Variants in RGS9 observed in about 807,000 individuals in gnomAD.
The protein encoded by RGS9 is regulator of G-protein signalling 9.
Under a neutral mutation model 102.0 loss-of-function variants are expected in RGS9, and 78 were observed. That is an observed-to-expected ratio of 0.76 (90% confidence interval 0.64 to 0.92). The LOEUF (loss-of-function observed/expected upper bound fraction) is 0.92. RGS9 is among the 40% of genes least tolerant of loss of function. The pLI, the probability that RGS9 is intolerant of heterozygous loss-of-function variation, is 0.00. For synonymous variants in RGS9, 353 were observed against 318.6 expected (o/e 1.11, Z -1.15); for missense variants, 833 against 866.1 (o/e 0.96, Z 0.48).
At chr17:65,180,409 C>T (rs1476965386) in intron 9 of RGS9, among the ~76,000 whole-genome samples, 2 of 152,054 alleles carry the variant, frequency 1.3e-5, no homozygotes, top group African/African-American at 2.4e-5. Flanking sequence ...AGTGCAGTGG[C>T]GTGATCTCGG....
At chr17:65,177,569 C>T in intron 8 of RGS9, among the ~76,000 whole-genome samples, 163 bp from the exon 9 acceptor site, 1 of 152,218 alleles carries the variant, frequency 6.6e-6, no homozygotes, top group Non-Finnish European at 1.5e-5. Context: ...TGAAGCTCAA[C>T]AGCTCACCTG....
chr17:65,157,913 GTGTGTA>G (rs1014165717), intron 2 of RGS9, among the ~76,000 whole-genome samples: 47 of 152,172 alleles, frequency 3.1e-4, no homozygotes, highest in African/African-American at 1.1e-3. Flanking sequence ...TGTTTTGTGT[GTGTGTA>G]TGTGTGTGTG....
At chr17:65,181,049 T>C (rs1911866833) in intron 9 of RGS9, among the ~76,000 whole-genome samples, 2 of 152,244 alleles carry the variant, frequency 1.3e-5, no homozygotes, top group African/African-American at 4.8e-5. Flanking sequence ...AGTCTACCAA[T>C]GATGGGCATT....
At chr17:65,172,596 G>A (rs1290933207) in intron 8 of RGS9, among the ~76,000 whole-genome samples, 1 of 152,162 alleles carries the variant, frequency 6.6e-6, no homozygotes, top group Non-Finnish European at 1.5e-5. Flanking sequence ...GTGAATATCT[G>A]CTCTATGCCG....
At chr17:65,189,992 T>C (rs1264763067) in intron 10 of RGS9, among the ~76,000 whole-genome samples, 183 bp from the exon 11 acceptor site, 1 of 152,076 alleles carries the variant, frequency 6.6e-6, no homozygotes, top group Non-Finnish European at 1.5e-5. Context: ...AGGAGGCCAC[T>C]GATTTGAAGT....
intron 17 of RGS9, among the ~76,000 whole-genome samples, chr17:65,216,514 G>C (rs565661129): frequency 4.1e-4 from 63 of 152,320 alleles, no homozygotes; most frequent in African/African-American, 1.5e-3. Flanking sequence ...GCAGGCGCCT[G>C]TAGTCCCAGC....
intron 12 of RGS9, among the ~76,000 whole-genome samples, chr17:65,195,295 T>A (rs1024157128): frequency 6.6e-6 from 1 of 152,146 alleles, no homozygotes; most frequent in African/African-American, 2.4e-5. Context: ...GAGCATGGTA[T>A]TGAAGACAGG....
At chr17:65,207,788 C>A (rs575894730) in intron 15 of RGS9, 134 bp from the exon 16 acceptor site, 1 of 642,786 alleles carries the variant, frequency 1.6e-6, no homozygotes. Flanking sequence ...CCCCCAACAC[C>A]TTTCACCCAA....
At chr17:65,158,502 G>A in intron 3 of RGS9, 157 bp downstream of exon 3, 1 of 764,916 alleles carries the variant, frequency 1.3e-6, no homozygotes, top group Non-Finnish European at 2.3e-6. Context: ...CAAAAGCAAA[G>A]GCAGGATAAT....
chr17:65,147,567 TTCTC>T (rs1441070856), intron 1 of RGS9, among the ~76,000 whole-genome samples: 3 of 149,520 alleles, frequency 2.0e-5, no homozygotes, highest in Non-Finnish European at 1.5e-5. Context: ...ACCTGGATCA[TTCTC>T]TCTCTCTTTT....
chr17:65,143,412 C>A (rs1439399905), intron 1 of RGS9, among the ~76,000 whole-genome samples: 1 of 152,046 alleles, frequency 6.6e-6, no homozygotes, highest in Non-Finnish European at 1.5e-5. Flanking sequence ...ATTGAGTGGG[C>A]AGAGAAGAGA....
chr17:65,137,986 T>A (rs770032073), intron 1 of RGS9, among the ~76,000 whole-genome samples: 6 of 152,208 alleles, frequency 3.9e-5, no homozygotes, highest in Admixed American at 1.3e-4. Flanking sequence ...TTAAAGTGTG[T>A]GTGTGTGTAC....
chr17:65,204,179 G>A lies in RGS9; in HGVS notation c.1081G>A (p.Gly361Arg). Residue 361 changes from glycine (G) to arginine (R), a missense_variant, in exon 15 of 19, where the codon GGG becomes AGG. Physicochemically the swap from Gly to Arg is moderately radical, Grantham distance 125. Transcript: ENST00000262406. ...EEIYKLFLAP[G>R]ARRWINIDGK... ...CCACCCCAGGCTGTTCCTGGCCCCG[G>A]GGGCGAGGCGCTGGATCAACATAGA... 6.2e-7 allele frequency: 1 copy of A among 1,612,650 alleles called. No individual in the cohort carries two copies. The highest frequency in any genetic ancestry group is 8.5e-7 in the Non-Finnish European group (1 of 1,180,012).
chr17:65,210,146 C>T (rs1913233417), intron 16 of RGS9, among the ~76,000 whole-genome samples: 1 of 152,094 alleles, frequency 6.6e-6, no homozygotes, highest in Non-Finnish European at 1.5e-5. Context: ...CTCTCCAGTA[C>T]CCAAGCCTTC....
At chr17:65,201,506 G>A (rs893390423) in intron 13 of RGS9, among the ~76,000 whole-genome samples, 20 of 152,220 alleles carry the variant, frequency 1.3e-4, no homozygotes, top group Non-Finnish European at 2.9e-4. Context: ...GGGAGCAAAG[G>A]AAGGAGGTCT....
chr17:65,154,955 T>C (rs890050481), intron 2 of RGS9, among the ~76,000 whole-genome samples: 4 of 152,202 alleles, frequency 2.6e-5, no homozygotes, highest in African/African-American at 9.7e-5. Flanking sequence ...AGCTTCCCCT[T>C]TCCCTTTCTG....
At position 65,204,312 on chromosome 17, in the gene RGS9, C is replaced by T; in HGVS notation, c.1203+11C>T. ...ATGCTCATGAAGAAGGTAGGTGGGT[C>T]CGTGCTGTGGATACGGGGTCCAGAT... On this transcript the variant is annotated intron_variant, in intron 15 of 18. Transcript: ENST00000262406. The T allele has an allele frequency of 6.2e-7, 1 of 1,613,680 alleles. No individual in the cohort carries two copies. Among genetic ancestry groups the T allele is most frequent in the Non-Finnish European group, 8.5e-7 (1 of 1,179,920 alleles).
intron 4 of RGS9, 55 bp from the exon 5 acceptor site, chr17:65,160,481 G>T: frequency 1.9e-6 from 3 of 1,605,200 alleles, no homozygotes; most frequent in South Asian, 2.2e-5. Context: ...CAGGGTTGGG[G>T]TCCATTGAGT....
intron 8 of RGS9, among the ~76,000 whole-genome samples, chr17:65,175,923 A>G (rs1340868925): frequency 6.6e-6 from 1 of 152,228 alleles, no homozygotes; most frequent in Non-Finnish European, 1.5e-5. Flanking sequence ...GCATCAAAAT[A>G]TTGGGACAGA....
Sources: allele counts gnomAD v4.1 joint callset (sites outside exome capture counted in the v4.1 genomes callset), GRCh38; gene constraint gnomAD v4.1.1; transcripts MANE v1.5; gene names NCBI Gene and HGNC (gene_info 2026-07-23, HGNC 2026-07-21).